TOR1AIP1: variants seen among roughly 807,000 people sequenced by gnomAD.
TOR1AIP1 encodes torsin-1A-interacting protein 1.
In TOR1AIP1, 54 loss-of-function variants were observed where a neutral mutation model predicts 63.3. The observed-to-expected ratio is 0.85, with a 90% CI of 0.69 to 1.07. TOR1AIP1 has a LOEUF of 1.07. TOR1AIP1 is among the 50% of genes least tolerant of loss of function. TOR1AIP1 has a pLI of 0.00. For missense variants in TOR1AIP1, 736 were observed against 715.0 expected (o/e 1.03, Z -0.33); for synonymous variants, 294 against 273.5 (o/e 1.07, Z -0.74).
chr1:179,898,080 C>T (rs1018394561), intron 3 of TOR1AIP1, among the ~76,000 whole-genome samples: 4 of 151,104 alleles, frequency 2.6e-5, no homozygotes, highest in Non-Finnish European at 4.4e-5. Flanking sequence ...CCAGCCTGGA[C>T]GACAGAACCA....
chr1:179,883,547 T>C (rs748843614), intron 1 of TOR1AIP1: 2 of 448,682 alleles, frequency 4.5e-6, no homozygotes, highest in Non-Finnish European at 9.0e-6. Context: ...CGAAATGGGG[T>C]AACTCATTTT....
chr1:179,897,704 C>T (rs993337961), intron 3 of TOR1AIP1, among the ~76,000 whole-genome samples: 6 of 152,004 alleles, frequency 3.9e-5, no homozygotes, highest in Non-Finnish European at 5.9e-5. Flanking sequence ...TAAATGGGAC[C>T]TTAGTAAAGC....
intron 6 of TOR1AIP1, 118 bp downstream of exon 6, chr1:179,904,140 T>TA (rs887412736): frequency 1.0e-3 from 748 of 718,054 alleles, no homozygotes; most frequent in South Asian, 1.8e-3. Context: ...TAATGAATGC[T>TA]AAAAAAAAAC....
chr1:179,907,822 G>T lies in TOR1AIP1; in HGVS notation c.797-1G>T, dbSNP rs200599054. 168 of 1,585,050 alleles carry T rather than the reference G, an allele frequency of 1.1e-4. No individual in the cohort carries two copies. Among genetic ancestry groups the T allele is most frequent in the African/African-American group, 1.4e-5 (1 of 73,588 alleles). On this transcript the variant is annotated splice_acceptor_variant, in intron 6 of 9. Transcript: ENST00000606911. LOFTEE classifies it high-confidence loss of function. ...GACCTTATCCCTGTTTTCTGTTTCAGGTCAAAACTTCACAGCTCATGATAA... is the reference window on the plus strand; with the variant it reads ...GACCTTATCCCTGTTTTCTGTTTCATGTCAAAACTTCACAGCTCATGATAA...
chr1:179,900,695 C>T (rs1454866833), intron 4 of TOR1AIP1: 1 of 152,138 alleles, frequency 6.6e-6, no homozygotes, highest in East Asian at 1.9e-4. Flanking sequence ...TGATGACAGC[C>T]TTACATTTTA....
chr1:179,899,432 A>G (rs1648380518), intron 3 of TOR1AIP1, among the ~76,000 whole-genome samples: 1 of 152,218 alleles, frequency 6.6e-6, no homozygotes, highest in African/African-American at 2.4e-5. Context: ...CTCTTTGGAT[A>G]CACCAATGCT....
chr1:179,902,019 C>CTTTTT (rs767712125), intron 5 of TOR1AIP1, among the ~76,000 whole-genome samples: 7 of 98,776 alleles, frequency 7.1e-5, no homozygotes, highest in Admixed American at 1.1e-4. Flanking sequence ...AATTCCAATT[C>CTTTTT]TTTTTTTTTT....
intron 2 of TOR1AIP1, among the ~76,000 whole-genome samples, chr1:179,886,930 T>C (rs963441832): frequency 1.3e-5 from 2 of 152,228 alleles, no homozygotes; most frequent in African/African-American, 4.8e-5. Flanking sequence ...ATTATTTAAA[T>C]GGAGTCACTC....
chr1:179,918,066 G>A lies in TOR1AIP1; in HGVS notation c.1579G>A (p.Glu527Lys). 6.2e-7 allele frequency: 1 copy of A among 1,614,180 alleles called. No homozygotes were observed. Among genetic ancestry groups the A allele is most frequent in the Non-Finnish European group, 8.5e-7 (1 of 1,180,028 alleles). The change falls in exon 10 of 10, where the codon GAA becomes AAA. Residue 527 changes from glutamate to lysine, a missense_variant. Physicochemically the swap from Glu to Lys is moderately conservative, Grantham distance 56. This residue lies in a region of TOR1AIP1 where 272 missense variants were observed against 344.1 expected (regional missense o/e 0.79). Coordinates refer to ENST00000606911, the MANE Select transcript of TOR1AIP1 (RefSeq NM_015602.4). Reference protein sequence around the residue: ...ETLGTSLGLKEVEEKVRDFLK... With the variant: ...ETLGTSLGLKKVEEKVRDFLK... ...ACTTGGAACAAGTCTAGGCCTAAAG[G>A]AAGTTGAAGAAAAAGTAAGAGATTT...
chr1:179,899,529 A>G (rs539565982), intron 3 of TOR1AIP1, among the ~76,000 whole-genome samples: 1 of 152,350 alleles, frequency 6.6e-6, no homozygotes, highest in Admixed American at 6.5e-5. Context: ...ATGAGAATAT[A>G]GCAAACCTAT....
chr1:179,910,414 G>T (rs1648796140), intron 8 of TOR1AIP1, among the ~76,000 whole-genome samples: 1 of 152,174 alleles, frequency 6.6e-6, no homozygotes, highest in Non-Finnish European at 1.5e-5. Flanking sequence ...CAGTAAAGTA[G>T]GAGTGGTCAT....
intron 7 of TOR1AIP1, 32 bp downstream of exon 7, chr1:179,907,896 C>A: frequency 8.1e-7 from 1 of 1,241,486 alleles, no homozygotes; most frequent in Non-Finnish European, 1.1e-6. Flanking sequence ...CTTTTTTCAG[C>A]CAATCAATTC....
intron 3 of TOR1AIP1, among the ~76,000 whole-genome samples, chr1:179,892,120 T>C (rs1055973043): frequency 1.6e-4 from 25 of 152,220 alleles, no homozygotes; most frequent in African/African-American, 5.8e-4. Context: ...TATAAATCAT[T>C]GTACCTTCCT....
rs908965605 is a variant in TOR1AIP1, at chr1:179,918,198, G to T, written c.1711G>T (p.Val571Leu). 6 of 1,607,200 alleles carry T rather than the reference G, an allele frequency of 3.7e-6. No individual in the cohort carries two copies. The highest frequency in any genetic ancestry group is 5.1e-6 in the Non-Finnish European group (6 of 1,179,474). Residue 571 changes from valine to leucine, a missense_variant, in exon 10 of 10, where the codon GTG (valine) becomes TTG (leucine). By Grantham distance (32) the Val-to-Leu change is conservative. Transcript: ENST00000606911. ...WSRISHLVLP[V>L]QPENALKRGI... ...CCGTATTTCTCACTTAGTTCTGCCT[G>T]TGCAACCTGAAAATGCCCTGAAAAG...
intron 3 of TOR1AIP1, 120 bp from the exon 4 acceptor site, chr1:179,900,006 A>T (rs1222137950): frequency 1.5e-6 from 1 of 686,416 alleles, no homozygotes; most frequent in African/African-American, 1.8e-5. Context: ...CATTTTCCTA[A>T]ACGAGATGCT....
Position 179,889,299 on chromosome 1 carries a change from TC to T in TOR1AIP1, c.554-12del, listed in dbSNP as rs746491754. The T allele has an allele frequency of 3.8e-6, 6 of 1,573,654 alleles. No homozygotes were observed. The East Asian group carries it at 1.3e-4, about 35-fold the overall frequency. On this transcript the variant is annotated splice_polypyrimidine_tract_variant and intron_variant, in intron 2 of 9. Coordinates refer to ENST00000606911, the MANE Select transcript of TOR1AIP1 (RefSeq NM_015602.4). The stretch of plus-strand genomic sequence containing the variant: ...TTATATATTTTTAAATGTTTTCTCT[TC>T]CTATATTAGCAGTGAGTGAAGATCT...
chr1:179,916,392 C>T (rs148131624), intron 9 of TOR1AIP1, among the ~76,000 whole-genome samples: 2 of 152,262 alleles, frequency 1.3e-5, no homozygotes, highest in East Asian at 3.9e-4. Flanking sequence ...TTGAGAATTG[C>T]TGCTCTAAAA....
intron 7 of TOR1AIP1, 96 bp from the exon 8 acceptor site, chr1:179,908,509 T>C: frequency 1.0e-6 from 1 of 986,316 alleles, no homozygotes; most frequent in Non-Finnish European, 1.5e-6. Context: ...CCCTACTTTA[T>C]TTTGTCTTTC....
chr1:179,897,150 A>C (rs1479715254), intron 3 of TOR1AIP1, among the ~76,000 whole-genome samples: 1 of 152,230 alleles, frequency 6.6e-6, no homozygotes, highest in Admixed American at 6.5e-5. Context: ...AATTCTAAAA[A>C]AGGATCTTTA....
Sources: allele counts gnomAD v4.1 joint callset (sites outside exome capture counted in the v4.1 genomes callset), GRCh38; gene constraint gnomAD v4.1.1; regional missense constraint gnomAD v4.1.1; transcripts MANE v1.5; gene names NCBI Gene and HGNC (gene_info 2026-07-23, HGNC 2026-07-21).